ZNF407: variants seen among roughly 807,000 people sequenced by gnomAD.
ZNF407 encodes zinc finger protein 407.
ZNF407 carries 17 observed loss-of-function variants against 131.2 expected under a neutral mutation model. The ratio of observed to expected loss-of-function variants is 0.13; its 90% CI spans 0.09 to 0.19. The LOEUF is 0.19. Among genes scored for constraint, ZNF407 ranks in the 10% least tolerant of loss-of-function variants. ZNF407 has a pLI of 1.00. For missense variants in ZNF407, 2,681 were observed against 2,830.6 expected (o/e 0.95, Z 1.20); for synonymous variants, 1,156 against 1,062.0 (o/e 1.09, Z -1.72).
intron 4 of ZNF407, among the ~76,000 whole-genome samples, chr18:74,850,118 G>A (rs140987793): frequency 1.6e-3 from 250 of 152,264 alleles, no homozygotes; most frequent in Middle Eastern, 0.014. Flanking sequence ...GGGTTTTCCA[G>A]TGAAATTTTA....
At chr18:74,608,471 T>G (rs1302228266) in intron 1 of ZNF407, among the ~76,000 whole-genome samples, 2 of 151,988 alleles carry the variant, frequency 1.3e-5, no homozygotes, top group Non-Finnish European at 2.9e-5. Context: ...CTCGGCCTCC[T>G]GAGTTGCTGG....
At chr18:75,037,863 C>T (rs1056833226) in intron 8 of ZNF407, among the ~76,000 whole-genome samples, 2 of 152,084 alleles carry the variant, frequency 1.3e-5, no homozygotes, top group South Asian at 2.1e-4. Context: ...CAGGGGGGCA[C>T]GTGCTCATTG....
intron 8 of ZNF407, among the ~76,000 whole-genome samples, chr18:75,035,386 T>G (rs1270100192): frequency 6.6e-6 from 1 of 152,202 alleles, no homozygotes; most frequent in Non-Finnish European, 1.5e-5. Context: ...ATTCCATCAT[T>G]TTATTACGAT....
At chr18:74,717,069 G>C (rs1051704089) in intron 3 of ZNF407, among the ~76,000 whole-genome samples, 1 of 152,152 alleles carries the variant, frequency 6.6e-6, no homozygotes, top group Non-Finnish European at 1.5e-5. Flanking sequence ...ATACGTATAT[G>C]AGAGTGTGTA....
intron 4 of ZNF407, among the ~76,000 whole-genome samples, chr18:74,860,591 A>G (rs1017502470): frequency 1.7e-4 from 26 of 151,888 alleles, no homozygotes; most frequent in Admixed American, 1.1e-3. Context: ...TTTACTCATT[A>G]TCTTTCTACT....
chr18:74,849,580 C>T (rs1387814268), intron 4 of ZNF407, among the ~76,000 whole-genome samples: 4 of 152,130 alleles, frequency 2.6e-5, no homozygotes. Context: ...GGTTCACAGC[C>T]ATGAGCAAAG....
chr18:74,745,759 TC>T (rs1281596344), intron 3 of ZNF407, among the ~76,000 whole-genome samples: 1 of 152,166 alleles, frequency 6.6e-6, no homozygotes, highest in Non-Finnish European at 1.5e-5. Flanking sequence ...TAGTTTTGCC[TC>T]ATTTAGGAAA....
chr18:74,732,401 C>T (rs1183936435), intron 3 of ZNF407, among the ~76,000 whole-genome samples: 1 of 152,132 alleles, frequency 6.6e-6, no homozygotes, highest in Non-Finnish European at 1.5e-5. Flanking sequence ...ACATGAACAT[C>T]TGTCTTGAGG....
chr18:74,608,608 A>G (rs1982914747), intron 1 of ZNF407, among the ~76,000 whole-genome samples: 3 of 152,258 alleles, frequency 2.0e-5, no homozygotes, highest in African/African-American at 7.2e-5. Context: ...TGGCCTCTCA[A>G]AGTGCTGGGA....
At chr18:74,971,292 A>G (rs771688443) in intron 8 of ZNF407, among the ~76,000 whole-genome samples, 10 of 152,210 alleles carry the variant, frequency 6.6e-5, no homozygotes, top group African/African-American at 1.9e-4. Flanking sequence ...TACTTACGCA[A>G]ATTTCTGCAG....
Position 74,632,397 on chromosome 18 carries a change from T to C in ZNF407, c.1378T>C (p.Tyr460His), listed in dbSNP as rs976889493. The stretch of plus-strand genomic sequence containing the variant: ...AGGTACAAGTGAAACTCAGAGGATG[T>C]ATATGAAACACTTGAGAACACAGAT... ...KRGTSETQRM[Y>H]MKHLRTQMKT... The change falls in exon 2 of 9, where the codon TAT becomes CAT. Residue 460 changes from tyrosine to histidine, a missense_variant. Around this residue, in one of 6 missense-constraint regions of ZNF407, gnomAD observed 1,789 missense variants for 1,748.7 expected, o/e 1.02. Coordinates refer to ENST00000299687, the MANE Select transcript of ZNF407 (RefSeq NM_017757.3). The C allele has an allele frequency of 6.2e-7, 1 of 1,614,048 alleles. No homozygotes were observed. Among genetic ancestry groups the C allele is most frequent in the African/African-American group, 1.3e-5 (1 of 75,068 alleles).
intron 8 of ZNF407, among the ~76,000 whole-genome samples, chr18:75,014,678 A>G (rs1973022442): frequency 6.6e-6 from 1 of 152,144 alleles, no homozygotes; most frequent in Admixed American, 6.6e-5. Context: ...CATTGAGGGT[A>G]AGGGACATGA....
chr18:74,903,488 G>A (rs1281781752), intron 7 of ZNF407, among the ~76,000 whole-genome samples: 1 of 152,088 alleles, frequency 6.6e-6, no homozygotes, highest in African/African-American at 2.4e-5. Flanking sequence ...AAAAAATGAT[G>A]GCTTGGATTT....
intron 3 of ZNF407, among the ~76,000 whole-genome samples, chr18:74,756,327 A>G (rs1166096118): frequency 6.6e-6 from 1 of 152,116 alleles, no homozygotes; most frequent in Non-Finnish European, 1.5e-5. Flanking sequence ...ATGAATTTTT[A>G]AGGATCACTT....
At chr18:74,854,906 C>T (rs1303525946) in intron 4 of ZNF407, among the ~76,000 whole-genome samples, 3 of 152,146 alleles carry the variant, frequency 2.0e-5, no homozygotes, top group Non-Finnish European at 4.4e-5. Flanking sequence ...TCATATTAAA[C>T]ATAGATTATT....
At chr18:74,832,155 C>G (rs912561880) in intron 4 of ZNF407, among the ~76,000 whole-genome samples, 1 of 152,140 alleles carries the variant, frequency 6.6e-6, no homozygotes, top group Non-Finnish European at 1.5e-5. Context: ...GCATGATTTT[C>G]CTGTCTCACA....
intron 3 of ZNF407, among the ~76,000 whole-genome samples, chr18:74,740,496 C>A (rs1159172962): frequency 6.6e-6 from 1 of 152,204 alleles, no homozygotes; most frequent in Non-Finnish European, 1.5e-5. Context: ...TTACATCTGT[C>A]TGCCAACCAT....
At chr18:74,696,381 G>A (rs949354067) in intron 3 of ZNF407, among the ~76,000 whole-genome samples, 5 of 152,178 alleles carry the variant, frequency 3.3e-5, no homozygotes, top group Non-Finnish European at 5.9e-5. Flanking sequence ...GTTCTCCAGA[G>A]AAAATCACTC....
In ZNF407 at chr18:74,845,526, T is replaced by C. The variant is rs373477551; in HGVS notation, c.4878-31671T>C. ...TTCCCATTTAATTTCCTTTATTTCTTAGTTGTTTATTTTGTTGGCATTCAA... is the reference window on the plus strand; with the variant it reads ...TTCCCATTTAATTTCCTTTATTTCTCAGTTGTTTATTTTGTTGGCATTCAA... On this transcript the variant is annotated intron_variant, in intron 4 of 8. Transcript: ENST00000299687. Among the ~76,000 whole-genome samples, 186 of 152,378 alleles carry C rather than the reference T, an allele frequency of 1.2e-3. 6 individuals are homozygous for C. In the South Asian group the frequency reaches 0.037, roughly 30 times the overall value.
Sources: allele counts gnomAD v4.1 joint callset (sites outside exome capture counted in the v4.1 genomes callset), GRCh38; gene constraint gnomAD v4.1.1; regional missense constraint gnomAD v4.1.1; transcripts MANE v1.5; gene names NCBI Gene and HGNC (gene_info 2026-07-23, HGNC 2026-07-21).